Variants in MED14 observed in about 807,000 individuals in gnomAD.
MED14 encodes mediator complex subunit 14.
Under a neutral mutation model 109.0 loss-of-function variants are expected in MED14, and 8 were observed. The observed-to-expected ratio is 0.07, with a 90% CI of 0.04 to 0.13. The LOEUF (loss-of-function observed/expected upper bound fraction) is 0.13, where lower values mean the gene tolerates loss of function less well. Ranked by LOEUF, MED14 falls within the 10% of genes least tolerant of loss-of-function variation. The pLI, the probability that MED14 is intolerant of heterozygous loss-of-function variation, is 1.00. For missense variants in MED14, 711 were observed against 1,142.4 expected (o/e 0.62, Z 5.44); for synonymous variants, 399 against 408.7 (o/e 0.98, Z 0.29).
intron 23 of MED14, among the ~76,000 whole-genome samples, chrX:40,669,888 A>G (rs1929656089): frequency 9.0e-6 from 1 of 111,400 alleles, no homozygotes; most frequent in Non-Finnish European, 1.9e-5. Context: ...CGCATCCTCA[A>G]GAAAGAAACA....
chrX:40,668,614 T>C (rs933906780), intron 23 of MED14, among the ~76,000 whole-genome samples: 23 of 111,473 alleles, frequency 2.1e-4, no homozygotes, highest in African/African-American at 7.2e-4. Context: ...ATCAGCATGT[T>C]TCAAATTCTC....
chrX:40,733,291 T>C (rs779023009), intron 1 of MED14, among the ~76,000 whole-genome samples: 4 of 109,168 alleles, frequency 3.7e-5, no homozygotes, highest in East Asian at 2.9e-4. Context: ...CCCAGCTAAT[T>C]TTCTATTTTT....
chrX:40,735,717 C>T (rs1331395234), upstream of MED14: 3 of 442,095 alleles, frequency 6.8e-6, no homozygotes, highest in Non-Finnish European at 1.2e-5. Context: ...ACAGCCGCAA[C>T]GTACATGTTG....
In MED14 at chrX:40,709,457, G is replaced by T; in HGVS notation, c.1176C>A (p.Ile392=). The change falls in exon 10 of 31, where the codon ATC becomes ATA. Residue 392 remains isoleucine (I), a splice_region_variant and synonymous_variant. Coordinates refer to ENST00000324817, the MANE Select transcript of MED14 (RefSeq NM_004229.4). ...DSKLVERAMK[I]DHLSIEKLLI... Reference sequence around the variant, plus strand: ...GGAGTTTTTCTATTGATAAGTGGTCGATCTGCATAAATAAGAACAACAAAT... The same window carrying T: ...GGAGTTTTTCTATTGATAAGTGGTCTATCTGCATAAATAAGAACAACAAAT... The T allele has an allele frequency of 9.7e-7, 1 of 1,030,194 alleles. No homozygotes were observed. Among genetic ancestry groups the T allele is most frequent in the Non-Finnish European group, 1.3e-6 (1 of 759,468 alleles). The allele number at this position is 1,030,194 out of a possible 1,213,427, so 84.9% of individuals were successfully genotyped here.
intron 11 of MED14, 76 bp downstream of exon 11, chrX:40,703,368 G>A: frequency 2.2e-6 from 2 of 928,214 alleles, no homozygotes; most frequent in Non-Finnish European, 3.1e-6. Flanking sequence ...AATACCTAAT[G>A]ACAGAAAATG....
intron 26 of MED14, among the ~76,000 whole-genome samples, chrX:40,660,046 C>T (rs752369268): frequency 1.8e-3 from 205 of 111,814 alleles, no homozygotes; most frequent in Non-Finnish European, 3.0e-3. Context: ...AATGAGACAA[C>T]CTGGGAAATC....
rs1287654232 is a variant in MED14, at chrX:40,710,101, T to C, written c.1051A>G (p.Thr351Ala). The C allele has an allele frequency of 8.5e-7, 1 of 1,177,077 alleles. No homozygotes were observed. The highest frequency in any genetic ancestry group is 2.0e-5 in the South Asian group (1 of 51,036). Residue 351 changes from threonine (T) to alanine (A), a missense_variant, in exon 9 of 31, where the codon ACA becomes GCA. Thr to Ala is a moderately conservative substitution (Grantham distance 58). Around this residue, in one of 8 missense-constraint regions of MED14, gnomAD observed 388 missense variants for 517.3 expected, o/e 0.75. Transcript: ENST00000324817. The stretch of plus-strand genomic sequence containing the variant: ...ATTGTAACTTTGTGAACAGATGCTG[T>C]TCCAGTTTTTCTCCCAAGAACCTGT... ...NQQVLGRKTGTASVHKVTIKI... is the reference protein window; with the variant it reads ...NQQVLGRKTGAASVHKVTIKI...
intron 23 of MED14, among the ~76,000 whole-genome samples, chrX:40,669,828 G>A (rs1386409314): frequency 9.0e-6 from 1 of 111,272 alleles, no homozygotes; most frequent in Non-Finnish European, 1.9e-5. Context: ...GGTAACTCTT[G>A]ACCTTTCAAG....
At position 40,692,271 on chromosome X, in the gene MED14, G is replaced by A. The variant is rs200941559; in HGVS notation, c.1892C>T (p.Ala631Val). The A allele has an allele frequency of 1.1e-5, 13 of 1,198,761 alleles. No individual in the cohort carries two copies. In the Admixed American group the frequency reaches 2.4e-4, roughly 22 times the overall value. The part of the protein sequence containing the change: ...CPVESKKTKR[A>V]GEMCAFNKVL... ...TTTATTGAAGGCACACATTTCTCCT[G>A]CTCGTTTTGTTTTCTTGGATTCTAC... The change falls in exon 15 of 31, where the codon GCA becomes GTA. Residue 631 changes from alanine (A) to valine (V), a missense_variant. Physicochemically the swap from Ala to Val is moderately conservative, Grantham distance 64. This residue lies in a region of MED14 where 388 missense variants were observed against 517.3 expected (regional missense o/e 0.75). Coordinates refer to ENST00000324817, the MANE Select transcript of MED14 (RefSeq NM_004229.4).
chrX:40,652,309 T>TGTTTAGG (rs199696738), intron 30 of MED14, among the ~76,000 whole-genome samples: 1,927 of 112,178 alleles, frequency 0.017, 16 homozygotes, highest in Middle Eastern at 0.06. Flanking sequence ...CAGATAAAAA[T>TGTTTAGG]GTTTAGGACA....
chrX:40,722,901 T>C (rs1354280985), intron 3 of MED14, among the ~76,000 whole-genome samples: 2 of 111,667 alleles, frequency 1.8e-5, no homozygotes, highest in Non-Finnish European at 3.8e-5. Flanking sequence ...GAAGGAGAAA[T>C]AAAGACTTTC....
At position 40,735,265 on chromosome X, in the gene MED14, G is replaced by T. The variant is rs770707277; in HGVS notation, c.148C>A (p.Arg50=). Residue 50 remains arginine, a synonymous_variant, in exon 1 of 31, where the codon CGG becomes AGG. Coordinates refer to ENST00000324817, the MANE Select transcript of MED14 (RefSeq NM_004229.4). ...AGAAATTCAATGAGGGTGCTCAGCC[G>T]GTAGCCCGGGCTAGCCGCAGCTGCA... ...AAAAAASPGY[R]LSTLIEFLLH... 3 of 1,145,013 alleles carry T rather than the reference G, an allele frequency of 2.6e-6. No homozygotes were observed. The South Asian group carries it at 6.0e-5, about 23-fold the overall frequency. The allele number at this position is 1,145,013 out of a possible 1,213,427, so 94.4% of individuals were successfully genotyped here.
chrX:40,733,580 T>C (rs746807892), intron 1 of MED14, among the ~76,000 whole-genome samples: 1 of 111,943 alleles, frequency 8.9e-6, no homozygotes, highest in Non-Finnish European at 1.9e-5. Context: ...ATTAGGTGGC[T>C]TGGACCAGCA....
chrX:40,662,785 G>A, intron 26 of MED14, 140 bp downstream of exon 26: 1 of 469,502 alleles, frequency 2.1e-6, no homozygotes, highest in Non-Finnish European at 3.6e-6. Context: ...GCCAGGTTAG[G>A]GTGAAAATCA....
intron 6 of MED14, 28 bp from the exon 7 acceptor site, chrX:40,712,321 GTTAA>G: frequency 1.9e-6 from 2 of 1,080,692 alleles, no homozygotes; most frequent in Non-Finnish European, 2.6e-6. Flanking sequence ...AAAGAAAGCA[GTTAA>G]TTAAATAGGT....
At chrX:40,686,612 G>A (rs1415783642) in intron 16 of MED14, among the ~76,000 whole-genome samples, 1 of 111,669 alleles carries the variant, frequency 9.0e-6, no homozygotes, top group Non-Finnish European at 1.9e-5. Flanking sequence ...GAGCACTAAT[G>A]ACACATGGGT....
At chrX:40,727,881 C>A (rs181481953) in intron 2 of MED14, among the ~76,000 whole-genome samples, 58 of 111,739 alleles carry the variant, frequency 5.2e-4, no homozygotes, top group Non-Finnish European at 1.1e-3. Context: ...TGACTGAAGG[C>A]TAGAGGCTAG....
intron 23 of MED14, among the ~76,000 whole-genome samples, chrX:40,667,305 GT>G (rs1222704501): frequency 8.9e-6 from 1 of 112,079 alleles, no homozygotes; most frequent in African/African-American, 3.2e-5. Flanking sequence ...AGTGAAGGAG[GT>G]GGGTGTTGTT....
chrX:40,654,337 A>G, intron 30 of MED14, 27 bp downstream of exon 30: 1 of 1,196,807 alleles, frequency 8.4e-7, no homozygotes, highest in Non-Finnish European at 1.1e-6. Context: ...CATATATGCA[A>G]TAAAATATTG....
Sources: gnomAD v4.1 joint callset for allele counts (sites outside exome capture counted in the v4.1 genomes callset) on GRCh38, gnomAD v4.1.1 for gene constraint, gnomAD v4.1.1 regional missense constraint, MANE v1.5 for transcripts, NCBI Gene and HGNC (gene_info 2026-07-23, HGNC 2026-07-21) for gene names.